The following AMN1 variants were observed in gnomAD, a reference collection of about 807,000 sequenced individuals.
The protein encoded by AMN1 is protein AMN1 homolog.
AMN1 carries 20 observed loss-of-function variants against 33.0 expected under a neutral mutation model. That is an observed-to-expected ratio of 0.61 (90% CI 0.43 to 0.88). The LOEUF is 0.88. Ranked by LOEUF, AMN1 falls within the 40% of genes least tolerant of loss-of-function variation. The probability of loss-of-function intolerance (pLI) is 0.00; values close to 1 mark genes in which losing one functional copy is unlikely to be tolerated. For synonymous variants in AMN1, 114 were observed against 111.9 expected, an observed-to-expected ratio of 1.02 and a Z score of -0.12; for missense variants, 246 against 307.4, an observed-to-expected ratio of 0.80 and a Z score of 1.49.
intron 1 of AMN1, among the ~76,000 whole-genome samples, chr12:31,720,288 C>T (rs1383719794): frequency 6.6e-6 from 1 of 152,212 alleles, no homozygotes. Flanking sequence ...CACCTGTAAT[C>T]CCAGTACTTT....
intron 1 of AMN1, among the ~76,000 whole-genome samples, chr12:31,718,420 C>T (rs575465341): frequency 2.6e-5 from 4 of 152,148 alleles, no homozygotes; most frequent in East Asian, 1.9e-4. Flanking sequence ...TCTGTCAACT[C>T]GTCAAACTCA....
At chr12:31,695,675 T>C (rs1271775069) in intron 5 of AMN1, among the ~76,000 whole-genome samples, 1 of 151,684 alleles carries the variant, frequency 6.6e-6, no homozygotes, top group Non-Finnish European at 1.5e-5. Context: ...TTAGTAGAGA[T>C]GGGGTTTCTC....
chr12:31,710,240 G>C (rs1210349543), intron 1 of AMN1, among the ~76,000 whole-genome samples: 2 of 151,978 alleles, frequency 1.3e-5, no homozygotes, highest in Non-Finnish European at 2.9e-5. Context: ...GAGTTATCAG[G>C]CAACAACCAA....
At chr12:31,703,113 G>C (rs1939080544) in intron 2 of AMN1, among the ~76,000 whole-genome samples, 1 of 152,062 alleles carries the variant, frequency 6.6e-6, no homozygotes, top group Non-Finnish European at 1.5e-5. Flanking sequence ...CAAGGGATTG[G>C]TCATTGCCAT....
chr12:31,719,478 T>A (rs1939801230), intron 1 of AMN1: 1 of 200,838 alleles, frequency 5.0e-6, no homozygotes, highest in Admixed American at 6.5e-5. Context: ...TGTTCTGGAA[T>A]ATACAATATG....
Position 31,729,000 on chromosome 12 carries a change from G to C in AMN1, c.9C>G (p.Arg3=), listed in dbSNP as rs566143733. Reference sequence around the variant, plus strand: ...CCAGGAGCTGACTGACCCGCCGTGGGCGAGGCATCGCTGCAGCGTCTGAAG... The same window carrying C: ...CCAGGAGCTGACTGACCCGCCGTGGCCGAGGCATCGCTGCAGCGTCTGAAG... MP[R]PRRVSQLLDL... The change falls in exon 1 of 7, where the codon CGC becomes CGG. Residue 3 remains arginine (R), a synonymous_variant. Transcript: ENST00000281471. 180 of 1,545,278 alleles carry C rather than the reference G, an allele frequency of 1.2e-4. No homozygotes were observed. The African/African-American group carries it at 2.1e-3, about 18-fold the overall frequency.
chr12:31,695,390 A>T (rs1314438353), intron 5 of AMN1, among the ~76,000 whole-genome samples: 1 of 152,220 alleles, frequency 6.6e-6, no homozygotes, highest in African/African-American at 2.4e-5. Flanking sequence ...AAATGTTTGC[A>T]CTTAAAATAC....
At chr12:31,681,237 A>T (rs531643814) in intron 6 of AMN1, among the ~76,000 whole-genome samples, 337 of 151,556 alleles carry the variant, frequency 2.2e-3, no homozygotes, top group Non-Finnish European at 3.6e-3. Flanking sequence ...ATTTTTATTT[A>T]TTTTTTTTGA....
intron 6 of AMN1, among the ~76,000 whole-genome samples, chr12:31,679,317 A>C (rs945341529): frequency 1.1e-4 from 16 of 152,244 alleles, no homozygotes; most frequent in African/African-American, 3.9e-4. Flanking sequence ...ACCTGAGGTC[A>C]GGAGTTCAAG....
intron 2 of AMN1, among the ~76,000 whole-genome samples, chr12:31,704,833 TA>T (rs1404976338): frequency 6.6e-6 from 1 of 152,124 alleles, no homozygotes; most frequent in Non-Finnish European, 1.5e-5. Flanking sequence ...AAATTAGGCT[TA>T]AAAAATGGTA....
upstream of AMN1, chr12:31,729,053 A>G: frequency 6.6e-7 from 1 of 1,504,684 alleles, no homozygotes; most frequent in Non-Finnish European, 9.0e-7. Flanking sequence ...GGGCCTCCAG[A>G]ACCCAGCCAG....
intron 1 of AMN1, among the ~76,000 whole-genome samples, chr12:31,724,271 G>A (rs1299332286): frequency 6.6e-6 from 1 of 152,184 alleles, no homozygotes; most frequent in Non-Finnish European, 1.5e-5. Flanking sequence ...AAAAATACAT[G>A]TAACAATATG....
In AMN1 at chr12:31,728,987, T is replaced by A. The variant is rs538794860; in HGVS notation, c.22A>T (p.Ser8Cys). 8 of 1,546,120 alleles carry A rather than the reference T, an allele frequency of 5.2e-6. No individual in the cohort carries two copies. In the African/African-American group the frequency reaches 1.1e-4, roughly 21 times the overall value. The change falls in exon 1 of 7, where the codon AGT becomes TGT. Residue 8 changes from serine (S) to cysteine (C), a missense_variant. Ser to Cys is a moderately radical substitution (Grantham distance 112). Transcript: ENST00000281471. ...TAGACTCACAGATCCAGGAGCTGAC[T>A]GACCCGCCGTGGGCGAGGCATCGCT... MPRPRRVSQLLDLCLWCF... is the reference protein window; with the variant it reads MPRPRRVCQLLDLCLWCF...
intron 1 of AMN1, among the ~76,000 whole-genome samples, chr12:31,717,613 T>C (rs1202915022): frequency 6.6e-6 from 1 of 152,234 alleles, no homozygotes. Context: ...CTAATCTGTC[T>C]ACAGACAGTC....
chr12:31,716,936 T>C (rs1939697852), intron 1 of AMN1, among the ~76,000 whole-genome samples: 1 of 152,246 alleles, frequency 6.6e-6, no homozygotes, highest in Admixed American at 6.5e-5. Flanking sequence ...TATTCTCCTA[T>C]GTTTTCTTCT....
intron 2 of AMN1, among the ~76,000 whole-genome samples, chr12:31,706,593 CG>C (rs1325336820): frequency 6.6e-6 from 1 of 151,516 alleles, no homozygotes; most frequent in Non-Finnish European, 1.5e-5. Flanking sequence ...GGAGTAGTAT[CG>C]AAGGAAATTA....
intron 1 of AMN1, among the ~76,000 whole-genome samples, chr12:31,720,660 A>C (rs759374301): frequency 7.2e-5 from 11 of 152,160 alleles, no homozygotes; most frequent in Non-Finnish European, 1.2e-4. Flanking sequence ...CTGGATTTAT[A>C]CAATATGTGG....
At chr12:31,724,165 G>A (rs1405845635) in intron 1 of AMN1, among the ~76,000 whole-genome samples, 7 of 152,146 alleles carry the variant, frequency 4.6e-5, no homozygotes, top group African/African-American at 1.7e-4. Context: ...CTGTGGTAAA[G>A]TTTAATATAT....
intron 5 of AMN1, among the ~76,000 whole-genome samples, chr12:31,693,794 A>G (rs189198771): frequency 5.8e-4 from 87 of 151,044 alleles, no homozygotes; most frequent in African/African-American, 1.9e-3. Context: ...TGCCCACCTC[A>G]GCCTCCCAAA....
Sources: allele counts gnomAD v4.1 joint callset (sites outside exome capture counted in the v4.1 genomes callset), GRCh38; gene constraint gnomAD v4.1.1; transcripts MANE v1.5; gene names NCBI Gene and HGNC (gene_info 2026-07-23, HGNC 2026-07-21).